The following SLC9B1 variants were observed in gnomAD, a reference collection of about 807,000 sequenced individuals.
SLC9B1 encodes solute carrier family 9 member B1, also known as sodium/hydrogen exchanger 9B1.
Under a neutral mutation model 51.7 loss-of-function variants are expected in SLC9B1, and 32 were observed. The observed-to-expected ratio is 0.62, with a 90% CI of 0.47 to 0.83. The LOEUF (loss-of-function observed/expected upper bound fraction) is 0.83. Ranked by LOEUF, SLC9B1 falls within the 40% of genes least tolerant of loss-of-function variation. The pLI, the probability that SLC9B1 is intolerant of heterozygous loss-of-function variation, is 0.00. For missense variants in SLC9B1, 406 were observed against 613.2 expected, an observed-to-expected ratio of 0.66 and a Z score of 3.57; for synonymous variants, 145 against 212.7, an observed-to-expected ratio of 0.68 and a Z score of 2.77.
intron 11 of SLC9B1, among the ~76,000 whole-genome samples, chr4:102,893,308 AAAAG>A (rs1198675689): frequency 1.3e-5 from 2 of 150,202 alleles, no homozygotes; most frequent in Non-Finnish European, 3.0e-5. Context: ...AAAAAAAAGA[AAAAG>A]AAAAAAGAAA....
chr4:102,987,574 G>T (rs6810668), intron 3 of SLC9B1, among the ~76,000 whole-genome samples: 86,982 of 151,690 alleles, frequency 0.57, 26,232 homozygotes, highest in African/African-American at 0.78. Flanking sequence ...ATTTTTTTTT[G>T]GGGGGCAGAC....
At chr4:102,977,345 G>A (rs1289705889) in intron 3 of SLC9B1, among the ~76,000 whole-genome samples, 2 of 150,434 alleles carry the variant, frequency 1.3e-5, no homozygotes, top group Non-Finnish European at 3.0e-5. Context: ...AACAAGAGGA[G>A]CAGAGTTTTC....
At chr4:102,956,197 A>T (rs1737804744) in intron 3 of SLC9B1, among the ~76,000 whole-genome samples, 3 of 152,124 alleles carry the variant, frequency 2.0e-5, no homozygotes, top group Non-Finnish European at 4.4e-5. Context: ...TCCACAGGAG[A>T]TGATTCCAGG....
chr4:102,943,791 G>A (rs1417990919), intron 6 of SLC9B1, among the ~76,000 whole-genome samples: 3 of 152,142 alleles, frequency 2.0e-5, no homozygotes, highest in African/African-American at 7.2e-5. Flanking sequence ...CTTGGGTGCA[G>A]TGTACACTGC....
In SLC9B1 at chr4:102,911,500, G is replaced by A. The variant is rs562845369; in HGVS notation, c.867C>T (p.Asn289=). ...TTCCTGCCAGCAGACTAATACATACGTTCCTTATAGAGGCTATGGCGTTAT... is the reference window on the plus strand; with the variant it reads ...TTCCTGCCAGCAGACTAATACATACATTCCTTATAGAGGCTATGGCGTTAT... ...ILNNAIASIR[N]VCISLLAGIV... The change falls in exon 8 of 12, where the codon AAC becomes AAT. Residue 289 remains asparagine (N), a synonymous_variant. Transcript: ENST00000296422. The A allele has an allele frequency of 3.2e-5, 51 of 1,596,632 alleles. 1 individual carries two copies. Among genetic ancestry groups the A allele is most frequent in the South Asian group, 2.1e-4 (19 of 90,912 alleles).
At chr4:102,945,452 G>C (rs576633632) in intron 5 of SLC9B1, 132 bp from the exon 6 acceptor site, 174 of 913,218 alleles carry the variant, frequency 1.9e-4, no homozygotes, top group Admixed American at 1.1e-3. Context: ...TCAACAGATT[G>C]TCCCACTGGA....
chr4:102,936,904 C>T lies in SLC9B1; in HGVS notation c.654-4605G>A, dbSNP rs1468650183. Among the ~76,000 whole-genome samples the T allele has an allele frequency of 2.0e-5, 3 of 152,206 alleles. No homozygotes were observed. In the East Asian group the frequency reaches 5.8e-4, roughly 29 times the overall value. On this transcript the variant is annotated intron_variant, in intron 6 of 11. Coordinates refer to ENST00000296422, the MANE Select transcript of SLC9B1 (RefSeq NM_139173.4). ...TAAATCCAGGAAATGCAGAGAACCC[C>T]TGTGAGATACTACATAAGATGACCA...
At chr4:102,910,765 C>T (rs1385318297) in intron 8 of SLC9B1, among the ~76,000 whole-genome samples, 177 bp from the exon 9 acceptor site, 1 of 152,022 alleles carries the variant, frequency 6.6e-6, no homozygotes, top group African/African-American at 2.4e-5. Flanking sequence ...TACCAAGTAA[C>T]AAAATTTGCA....
At chr4:102,893,300 A>AAAAAAAAAAAAAAAAAAAAAAAAAC (rs1314502030) in intron 11 of SLC9B1, among the ~76,000 whole-genome samples, 2 of 147,768 alleles carry the variant, frequency 1.4e-5, no homozygotes, top group Non-Finnish European at 1.5e-5. Context: ...AAAAAAAAAA[A>AAAAAAAAAAAAAAAAAAAAAAAAAC]AAAAAGAAAA....
chr4:102,932,023 G>A, intron 7 of SLC9B1, 101 bp downstream of exon 7: 1 of 1,107,212 alleles, frequency 9.0e-7, no homozygotes, highest in Non-Finnish European at 1.4e-6. Context: ...AAATTGAACA[G>A]TCTTGGTTAA....
chr4:102,913,983 A>G (rs1411967522), intron 7 of SLC9B1, among the ~76,000 whole-genome samples: 2 of 152,074 alleles, frequency 1.3e-5, no homozygotes, highest in African/African-American at 4.8e-5. Flanking sequence ...AGAAAGAGTA[A>G]TTCATCCAGA....
At chr4:102,919,944 C>T (rs116389422) in intron 7 of SLC9B1, among the ~76,000 whole-genome samples, 2,588 of 152,322 alleles carry the variant, frequency 0.017, 72 homozygotes, top group African/African-American at 0.056. Context: ...TCAACAAGGC[C>T]TATTGCCTCT....
At chr4:102,978,255 G>A (rs190303356) in intron 3 of SLC9B1, among the ~76,000 whole-genome samples, 124 of 152,236 alleles carry the variant, frequency 8.1e-4, no homozygotes, top group South Asian at 2.5e-3. Context: ...TGTGAATAGC[G>A]CCGCAATAAA....
At chr4:102,900,783 T>C (rs1402231878), downstream of SLC9B1, 3 of 312,368 alleles carry the variant, frequency 9.6e-6, no homozygotes, top group African/African-American at 2.3e-5. Context: ...TCAAAGTTTT[T>C]CTTTCTGCCA....
chr4:102,944,319 A>G (rs1278572283), intron 6 of SLC9B1, among the ~76,000 whole-genome samples: 2 of 151,934 alleles, frequency 1.3e-5, no homozygotes, highest in Non-Finnish European at 2.9e-5. Context: ...TGCATACCAA[A>G]CCCCTGTGAC....
Position 102,950,742 on chromosome 4 carries a change from C to T in SLC9B1, c.212-1315G>A, listed in dbSNP as rs1400442931. ...GGCATGGTGGCTCATGCCTGTAATC[C>T]CAGCACTTTGGGAGGCTGAGGCAGG... On this transcript the variant is annotated intron_variant, in intron 3 of 11. Coordinates refer to ENST00000296422, the MANE Select transcript of SLC9B1 (RefSeq NM_139173.4). Among the ~76,000 whole-genome samples the T allele has an allele frequency of 2.6e-5, 4 of 152,254 alleles. No homozygotes were observed. The East Asian group carries it at 7.7e-4, about 29-fold the overall frequency.
At chr4:102,963,911 G>C (rs893196854) in intron 3 of SLC9B1, among the ~76,000 whole-genome samples, 5 of 152,046 alleles carry the variant, frequency 3.3e-5, no homozygotes, top group African/African-American at 9.7e-5. Context: ...AAAAAGATGA[G>C]TAAACCAAGC....
At chr4:102,962,510 G>A (rs1343475864) in intron 3 of SLC9B1, 6 of 479,208 alleles carry the variant, frequency 1.3e-5, no homozygotes, top group Admixed American at 6.9e-5. Context: ...CTACATTGCA[G>A]TTCAGGAGGT....
intron 6 of SLC9B1, among the ~76,000 whole-genome samples, chr4:102,943,504 T>TACAC (rs1319877290): frequency 2.8e-5 from 2 of 71,972 alleles, no homozygotes; most frequent in African/African-American, 1.0e-4. Flanking sequence ...TATGTGTATG[T>TACAC]ATACACACAC....
Sources: allele counts gnomAD v4.1 joint callset (sites outside exome capture counted in the v4.1 genomes callset), GRCh38; gene constraint gnomAD v4.1.1; transcripts MANE v1.5; gene names NCBI Gene and HGNC (gene_info 2026-07-23, HGNC 2026-07-21).